Variants in ZFPM2 observed in about 807,000 individuals in gnomAD.
ZFPM2 encodes the protein zinc finger protein ZFPM2.
A neutral mutation model predicts 98.6 loss-of-function variants in ZFPM2; 20 were observed. The ratio of observed to expected loss-of-function variants is 0.20; its 90% CI spans 0.14 to 0.29. ZFPM2 has a LOEUF of 0.29. Ranked by LOEUF, ZFPM2 falls within the 10% of genes least tolerant of loss-of-function variation. The pLI, the probability that ZFPM2 is intolerant of heterozygous loss-of-function variation, is 1.00. For missense variants in ZFPM2, 1,310 were observed against 1,388.6 expected (o/e 0.94, Z 0.90); for synonymous variants, 518 against 502.7 (o/e 1.03, Z -0.41).
At chr8:105,588,572 T>TA (rs1477552754) in intron 4 of ZFPM2, among the ~76,000 whole-genome samples, 1 of 152,200 alleles carries the variant, frequency 6.6e-6, no homozygotes, top group East Asian at 1.9e-4. Context: ...TTAGGTCTGT[T>TA]AGAGGAGCCA....
intron 6 of ZFPM2, among the ~76,000 whole-genome samples, chr8:105,795,122 A>C (rs1401428629): frequency 6.6e-6 from 1 of 152,120 alleles, no homozygotes; most frequent in Non-Finnish European, 1.5e-5. Flanking sequence ...CTCCCTAGTG[A>C]GATGAACCCA....
intron 5 of ZFPM2, among the ~76,000 whole-genome samples, chr8:105,653,068 C>A (rs1817212071): frequency 6.6e-6 from 1 of 152,098 alleles, no homozygotes; most frequent in Non-Finnish European, 1.5e-5. Context: ...TTAGGACAAA[C>A]AATAGCTTAG....
At chr8:105,406,532 G>C (rs1211803063) in intron 1 of ZFPM2, among the ~76,000 whole-genome samples, 1 of 151,884 alleles carries the variant, frequency 6.6e-6, no homozygotes, top group Non-Finnish European at 1.5e-5. Flanking sequence ...TACCATTCAG[G>C]ATAATGGTCC....
intron 2 of ZFPM2, among the ~76,000 whole-genome samples, chr8:105,441,434 A>AGAGAGAGAG (rs1812236685): frequency 6.3e-5 from 6 of 94,994 alleles, no homozygotes; most frequent in African/African-American, 3.1e-4. Flanking sequence ...GAAAGAAAGA[A>AGAGAGAGAG]AGAGAGAGAG....
chr8:105,615,932 T>C (rs1056676999), intron 4 of ZFPM2, among the ~76,000 whole-genome samples: 3 of 152,110 alleles, frequency 2.0e-5, no homozygotes, highest in Admixed American at 6.6e-5. Context: ...TTCTTAGTCA[T>C]GGGGGATTTT....
intron 2 of ZFPM2, among the ~76,000 whole-genome samples, chr8:105,427,232 A>C (rs2130122687): frequency 6.6e-6 from 1 of 152,244 alleles, no homozygotes; most frequent in East Asian, 1.9e-4. Flanking sequence ...TATTCTATGT[A>C]AGGGTCAGAT....
At chr8:105,574,094 A>G (rs1249031421) in intron 4 of ZFPM2, among the ~76,000 whole-genome samples, 1 of 152,216 alleles carries the variant, frequency 6.6e-6, no homozygotes, top group African/African-American at 2.4e-5. Flanking sequence ...CAAGCAGTGC[A>G]TCTAGTCTTT....
At chr8:105,573,563 A>G (rs1815401830) in intron 4 of ZFPM2, among the ~76,000 whole-genome samples, 1 of 152,238 alleles carries the variant, frequency 6.6e-6, no homozygotes, top group South Asian at 2.1e-4. Flanking sequence ...TGTGAAAATG[A>G]GGTATATTTT....
intron 5 of ZFPM2, among the ~76,000 whole-genome samples, chr8:105,748,270 A>G (rs1247570197): frequency 6.6e-6 from 1 of 152,046 alleles, no homozygotes; most frequent in Non-Finnish European, 1.5e-5. Flanking sequence ...ATTGTAGAAT[A>G]GGCAAAAAAT....
At chr8:105,337,037 C>T (rs1336545408) in intron 1 of ZFPM2, among the ~76,000 whole-genome samples, 3 of 151,702 alleles carry the variant, frequency 2.0e-5, no homozygotes, top group African/African-American at 4.8e-5. Flanking sequence ...AAAAGATCAT[C>T]GAAGAAACCA....
intron 1 of ZFPM2, among the ~76,000 whole-genome samples, chr8:105,383,116 G>A (rs542259868): frequency 6.6e-6 from 1 of 152,248 alleles, no homozygotes; most frequent in East Asian, 1.9e-4. Flanking sequence ...CTTTGCCTGA[G>A]CTTTAAAGAA....
chr8:105,754,332 A>T (rs1226481879), intron 5 of ZFPM2, among the ~76,000 whole-genome samples: 1 of 152,170 alleles, frequency 6.6e-6, no homozygotes, highest in Non-Finnish European at 1.5e-5. Context: ...TCTATATTCA[A>T]CTAGTTTTAC....
chr8:105,623,944 T>C (rs572837043), intron 4 of ZFPM2, among the ~76,000 whole-genome samples: 1 of 152,282 alleles, frequency 6.6e-6, no homozygotes, highest in South Asian at 2.1e-4. Flanking sequence ...AAAGCTTCCT[T>C]AAGTAAGTAT....
At chr8:105,434,176 A>G (rs921764039) in intron 2 of ZFPM2, among the ~76,000 whole-genome samples, 6 of 152,180 alleles carry the variant, frequency 3.9e-5, no homozygotes, top group East Asian at 1.9e-4. Flanking sequence ...TTCTTTTCAA[A>G]CAGTTGAAAT....
chr8:105,422,263 C>T (rs143523038), intron 2 of ZFPM2, among the ~76,000 whole-genome samples: 2,459 of 151,608 alleles, frequency 0.016, 61 homozygotes, highest in African/African-American at 0.056. Context: ...TGTGGCGAAA[C>T]CCCATCTCTA....
chr8:105,388,081 A>G (rs1285316615), intron 1 of ZFPM2, among the ~76,000 whole-genome samples: 2 of 152,220 alleles, frequency 1.3e-5, no homozygotes, highest in African/African-American at 4.8e-5. Flanking sequence ...GAAACTATTG[A>G]ACTGATAAAA....
At chr8:105,652,493 G>A (rs1209008820) in intron 5 of ZFPM2, among the ~76,000 whole-genome samples, 1 of 151,384 alleles carries the variant, frequency 6.6e-6, no homozygotes, top group Non-Finnish European at 1.5e-5. Context: ...ATATAGATAA[G>A]CTATTCCCAT....
At position 105,795,096 on chromosome 8, in the gene ZFPM2, C is replaced by T. The variant is rs540338606; in HGVS notation, c.740-3628C>T. Among the ~76,000 whole-genome samples the T allele has an allele frequency of 1.7e-4, 26 of 152,282 alleles. No individual in the cohort carries two copies. The South Asian group carries it at 2.7e-3, about 16-fold the overall frequency. On this transcript the variant is annotated intron_variant, in intron 6 of 7. Coordinates refer to ENST00000407775, the MANE Select transcript of ZFPM2 (RefSeq NM_012082.4). ...ACGGTGCGCTGCACCCACTGACCTG[C>T]GCCCACTGTCTGGCACTCCCTAGTG...
At chr8:105,401,829 A>G (rs2129985988) in intron 1 of ZFPM2, among the ~76,000 whole-genome samples, 1 of 152,260 alleles carries the variant, frequency 6.6e-6, no homozygotes, top group East Asian at 1.9e-4. Context: ...GCATTGTAAC[A>G]ACATTTGATT....
Sources: gnomAD v4.1 joint callset for allele counts (sites outside exome capture counted in the v4.1 genomes callset) on GRCh38, gnomAD v4.1.1 for gene constraint, MANE v1.5 for transcripts, NCBI Gene and HGNC (gene_info 2026-07-23, HGNC 2026-07-21) for gene names.